The following FAM222B variants were observed in gnomAD, a reference collection of about 807,000 sequenced individuals.
FAM222B encodes the protein protein FAM222B.
Under a neutral mutation model 38.0 loss-of-function variants are expected in FAM222B, and 12 were observed. That is an observed-to-expected ratio of 0.32 (90% CI 0.20 to 0.51). The LOEUF is 0.51. Among genes scored for constraint, FAM222B ranks in the 20% least tolerant of loss-of-function variants. The pLI, the probability that FAM222B is intolerant of heterozygous loss-of-function variation, is 0.97. For missense variants in FAM222B, 716 were observed against 754.2 expected, an observed-to-expected ratio of 0.95 and a Z score of 0.59; for synonymous variants, 329 against 317.2, an observed-to-expected ratio of 1.04 and a Z score of -0.40.
intron 1 of FAM222B, among the ~76,000 whole-genome samples, chr17:28,812,692 A>T (rs2037841830): frequency 6.6e-6 from 1 of 151,870 alleles, no homozygotes; most frequent in African/African-American, 2.4e-5. Context: ...CAAAGCCAGG[A>T]GCCAAGCATC....
chr17:28,837,765 G>A (rs998736946), intron 1 of FAM222B, among the ~76,000 whole-genome samples: 3 of 151,406 alleles, frequency 2.0e-5, no homozygotes, highest in Non-Finnish European at 2.9e-5. Flanking sequence ...CGATTCTCCC[G>A]CCTCAGTCTC....
At chr17:28,797,489 T>C (rs748486243) in intron 1 of FAM222B, among the ~76,000 whole-genome samples, 4 of 152,138 alleles carry the variant, frequency 2.6e-5, no homozygotes, top group Non-Finnish European at 5.9e-5. Flanking sequence ...AATAGAGAAA[T>C]ACTGAAGCAA....
At chr17:28,816,658 G>C (rs1416369694) in intron 1 of FAM222B, among the ~76,000 whole-genome samples, 1 of 151,886 alleles carries the variant, frequency 6.6e-6, no homozygotes, top group Non-Finnish European at 1.5e-5. Flanking sequence ...AACAATGATT[G>C]CACCCGAAAA....
chr17:28,852,367 G>C (rs560026732), intron 1 of FAM222B, among the ~76,000 whole-genome samples: 1 of 151,534 alleles, frequency 6.6e-6, no homozygotes, highest in African/African-American at 2.4e-5. Flanking sequence ...AAAAAAAAAT[G>C]TTCAGGCCAG....
intron 1 of FAM222B, among the ~76,000 whole-genome samples, chr17:28,771,126 A>C (rs553230863): frequency 6.6e-6 from 1 of 152,090 alleles, no homozygotes; most frequent in African/African-American, 2.4e-5. Context: ...ATCCAAGGTC[A>C]GACAGCATAT....
At chr17:28,784,594 T>C (rs1187503388) in intron 1 of FAM222B, among the ~76,000 whole-genome samples, 1 of 139,100 alleles carries the variant, frequency 7.2e-6, no homozygotes, top group Non-Finnish European at 1.5e-5. Flanking sequence ...ATCCCAGCAC[T>C]CTGGGAGGCT....
At chr17:28,816,224 C>T (rs1369914669) in intron 1 of FAM222B, among the ~76,000 whole-genome samples, 3 of 151,838 alleles carry the variant, frequency 2.0e-5, no homozygotes, top group Admixed American at 6.6e-5. Context: ...TTACAATGAG[C>T]CAAGATCATG....
At chr17:28,832,327 C>T (rs1463610688) in intron 1 of FAM222B, among the ~76,000 whole-genome samples, 1 of 151,986 alleles carries the variant, frequency 6.6e-6, no homozygotes, top group East Asian at 1.9e-4. Flanking sequence ...TGCAGTTGTC[C>T]AGAAGAAAAG....
At chr17:28,804,981 G>C (rs2037412713) in intron 1 of FAM222B, among the ~76,000 whole-genome samples, 1 of 151,900 alleles carries the variant, frequency 6.6e-6, no homozygotes, top group African/African-American at 2.4e-5. Flanking sequence ...CATTGGCAGA[G>C]CTTGCAGTGA....
chr17:28,758,626 G>A lies in FAM222B; in HGVS notation c.1333C>T (p.Pro445Ser), dbSNP rs1368761332. Residue 445 changes from proline (P) to serine (S), a missense_variant, in exon 3 of 3, where the codon CCC becomes TCC. Pro to Ser is a moderately conservative substitution (Grantham distance 74). Transcript: ENST00000581407. Reference sequence around the variant, plus strand: ...AGGGGTTGGAAGTAGTGACCATTGGGGTAGGCCAATGGGGCTGCCATGCCG... The same window carrying A: ...AGGGGTTGGAAGTAGTGACCATTGGAGTAGGCCAATGGGGCTGCCATGCCG... ...VNGMAAPLAY[P>S]NGHYFQPLWN... 2.5e-6 allele frequency: 4 copies of A among 1,611,666 alleles called. No homozygotes were observed. The highest frequency in any genetic ancestry group is 3.4e-6 in the Non-Finnish European group (4 of 1,179,796).
intron 1 of FAM222B, among the ~76,000 whole-genome samples, chr17:28,788,727 C>A (rs2036529356): frequency 6.6e-6 from 1 of 151,772 alleles, no homozygotes; most frequent in African/African-American, 2.4e-5. Flanking sequence ...GTAATTTGCC[C>A]TCCCTTTTAA....
chr17:28,806,023 AT>A (rs1252568005), intron 1 of FAM222B, among the ~76,000 whole-genome samples: 1 of 152,042 alleles, frequency 6.6e-6, no homozygotes, highest in Non-Finnish European at 1.5e-5. Context: ...GTGGTGGCAC[AT>A]TCCTATAATC....
intron 1 of FAM222B, among the ~76,000 whole-genome samples, chr17:28,851,058 G>A (rs2152638257): frequency 6.6e-6 from 1 of 152,166 alleles, no homozygotes; most frequent in South Asian, 2.1e-4. Context: ...GGTGGAGGTT[G>A]CAGTGAGCTG....
At chr17:28,853,896 ACCTT>A (rs890344578) in intron 1 of FAM222B, among the ~76,000 whole-genome samples, 30 of 149,676 alleles carry the variant, frequency 2.0e-4, no homozygotes, top group African/African-American at 7.4e-4. Flanking sequence ...GACTCTAAGA[ACCTT>A]CCTTCCTCAA....
chr17:28,766,643 C>T lies in FAM222B; in HGVS notation c.25G>A (p.Gly9Ser). MLACLPGP[G>S]DLSFQLLSHT... ...GAAAGAAGCTGAAAGGACAGGTCACCTGGCCCTGGTAGACAGGCTAGCATG... is the reference window on the plus strand; with the variant it reads ...GAAAGAAGCTGAAAGGACAGGTCACTTGGCCCTGGTAGACAGGCTAGCATG... Residue 9 changes from glycine (G) to serine (S), a missense_variant, in exon 2 of 3, where the codon GGT becomes AGT. Gly to Ser is a moderately conservative substitution (Grantham distance 56). Transcript: ENST00000581407. 6.2e-7 allele frequency: 1 copy of T among 1,606,124 alleles called. No homozygotes were observed. Among genetic ancestry groups the T allele is most frequent in the South Asian group, 1.1e-5 (1 of 89,388 alleles).
intron 1 of FAM222B, among the ~76,000 whole-genome samples, chr17:28,827,502 CA>C (rs1208423676): frequency 6.6e-6 from 1 of 151,970 alleles, no homozygotes; most frequent in African/African-American, 2.4e-5. Flanking sequence ...GTCATTTAAA[CA>C]ATGTAAAAAA....
At chr17:28,853,499 C>T (rs1304071076) in intron 1 of FAM222B, among the ~76,000 whole-genome samples, 2 of 152,146 alleles carry the variant, frequency 1.3e-5, no homozygotes, top group African/African-American at 4.8e-5. Flanking sequence ...TCTGCTGATT[C>T]TCTTGTAGTA....
intron 1 of FAM222B, among the ~76,000 whole-genome samples, chr17:28,781,261 A>G (rs560636370): frequency 5.9e-5 from 9 of 152,212 alleles, no homozygotes; most frequent in Admixed American, 5.2e-4. Context: ...TCATGCCACT[A>G]TACTCCAGCC....
chr17:28,801,310 G>A (rs142279271), intron 1 of FAM222B, among the ~76,000 whole-genome samples: 3,235 of 151,368 alleles, frequency 0.021, 59 homozygotes, highest in Non-Finnish European at 0.029. Context: ...AAAATTAGCC[G>A]GGCGATGTGG....
Sources: allele counts gnomAD v4.1 joint callset (sites outside exome capture counted in the v4.1 genomes callset), GRCh38; gene constraint gnomAD v4.1.1; transcripts MANE v1.5; gene names NCBI Gene and HGNC (gene_info 2026-07-23, HGNC 2026-07-21).